Variants in MYT1L observed in about 807,000 individuals in gnomAD.
MYT1L encodes the protein myelin transcription factor 1-like protein.
Under a neutral mutation model 126.7 loss-of-function variants are expected in MYT1L, and 12 were observed. That is an observed-to-expected ratio of 0.09 (90% CI 0.06 to 0.15). MYT1L has a LOEUF of 0.15. Ranked by LOEUF, MYT1L falls within the 10% of genes least tolerant of loss-of-function variation. The pLI is 1.00. For synonymous variants in MYT1L, 541 were observed against 604.2 expected (o/e 0.90, Z 1.53); for missense variants, 979 against 1,585.2 (o/e 0.62, Z 6.49).
chr2:1,850,849 C>T (rs1028269072), intron 19 of MYT1L, among the ~76,000 whole-genome samples: 30 of 152,094 alleles, frequency 2.0e-4, no homozygotes, highest in African/African-American at 7.0e-4. Context: ...CAATCTGCTC[C>T]TTGGTTGTAA....
chr2:2,033,677 A>G (rs978664866), intron 4 of MYT1L, among the ~76,000 whole-genome samples: 2 of 152,192 alleles, frequency 1.3e-5, no homozygotes, highest in African/African-American at 4.8e-5. Flanking sequence ...ACATTCTAAT[A>G]GAGGTGGGTG....
At chr2:2,005,718 G>T (rs1398910958) in intron 4 of MYT1L, among the ~76,000 whole-genome samples, 6 of 147,528 alleles carry the variant, frequency 4.1e-5, no homozygotes, top group African/African-American at 1.5e-4. Flanking sequence ...GTTCTTTCCT[G>T]CATGCGTTCT....
At chr2:2,119,702 G>C (rs763367980) in intron 3 of MYT1L, among the ~76,000 whole-genome samples, 6 of 151,982 alleles carry the variant, frequency 3.9e-5, no homozygotes, top group Non-Finnish European at 8.8e-5. Flanking sequence ...ATCATGATTC[G>C]CATTAATACA....
intron 3 of MYT1L, among the ~76,000 whole-genome samples, chr2:2,160,493 TC>T (rs1186634464): frequency 1.3e-5 from 2 of 152,296 alleles, no homozygotes; most frequent in East Asian, 3.9e-4. Context: ...GCCATGGGCA[TC>T]ACTGGCTGCT....
At chr2:2,298,926 C>A (rs1225063943) in intron 1 of MYT1L, among the ~76,000 whole-genome samples, 1 of 152,196 alleles carries the variant, frequency 6.6e-6, no homozygotes, top group East Asian at 1.9e-4. Context: ...GATCTCGGCT[C>A]ACTGCAACCT....
chr2:2,307,543 T>C (rs2095874838), intron 1 of MYT1L, among the ~76,000 whole-genome samples: 4 of 152,050 alleles, frequency 2.6e-5, no homozygotes, highest in African/African-American at 7.2e-5. Context: ...CATTCAACTA[T>C]ACAAAAACCT....
intron 2 of MYT1L, among the ~76,000 whole-genome samples, chr2:2,263,246 A>G (rs1373793827): frequency 6.6e-6 from 1 of 151,860 alleles, no homozygotes; most frequent in African/African-American, 2.4e-5. Context: ...TGCATTTATA[A>G]TCACTTTGAA....
intron 3 of MYT1L, among the ~76,000 whole-genome samples, chr2:2,128,600 C>T (rs2081998785): frequency 6.6e-6 from 1 of 152,014 alleles, no homozygotes; most frequent in African/African-American, 2.4e-5. Context: ...AAAACATAGT[C>T]TAATATATGT....
chr2:2,290,229 ACC>A (rs2095579818), intron 1 of MYT1L, among the ~76,000 whole-genome samples: 1 of 152,128 alleles, frequency 6.6e-6, no homozygotes, highest in East Asian at 1.9e-4. Context: ...GTCACCCCCA[ACC>A]TCTGATGGAG....
chr2:1,897,855 A>C (rs182366262), intron 14 of MYT1L, among the ~76,000 whole-genome samples: 138 of 152,318 alleles, frequency 9.1e-4, no homozygotes, highest in Middle Eastern at 3.4e-3. Context: ...ACTGTATGTT[A>C]CGAGCAATGC....
intron 8 of MYT1L, among the ~76,000 whole-genome samples, chr2:1,973,212 A>C (rs902843463): frequency 2.0e-5 from 3 of 152,224 alleles, no homozygotes; most frequent in Non-Finnish European, 2.9e-5. Context: ...ATTCATTCCA[A>C]ATGTCTTAGC....
chr2:2,198,102 G>A (rs766285261), intron 2 of MYT1L, among the ~76,000 whole-genome samples: 3 of 152,158 alleles, frequency 2.0e-5, no homozygotes, highest in Non-Finnish European at 4.4e-5. Flanking sequence ...AGGAAATTCT[G>A]TTATTTGTGG....
chr2:2,082,274 T>C (rs533577258), intron 3 of MYT1L, among the ~76,000 whole-genome samples: 2 of 152,358 alleles, frequency 1.3e-5, no homozygotes, highest in South Asian at 2.1e-4. Context: ...GTTCAGTTGC[T>C]CAAGCTTTCA....
At chr2:2,304,154 C>G (rs754928658) in intron 1 of MYT1L, 1 of 152,190 alleles carries the variant, frequency 6.6e-6, no homozygotes, top group Non-Finnish European at 1.5e-5. Context: ...AATTCCAAAT[C>G]CGTCTAAAAA....
At chr2:2,173,747 C>CT (rs1339551271) in intron 2 of MYT1L, among the ~76,000 whole-genome samples, 1 of 152,154 alleles carries the variant, frequency 6.6e-6, no homozygotes, top group African/African-American at 2.4e-5. Context: ...TTCCAAGAGG[C>CT]TTATTAAAGT....
chr2:2,099,916 G>A (rs2077860641), intron 3 of MYT1L, among the ~76,000 whole-genome samples: 1 of 152,172 alleles, frequency 6.6e-6, no homozygotes, highest in Non-Finnish European at 1.5e-5. Flanking sequence ...TACAGGCTAG[G>A]CTATTCTGAA....
At position 1,943,284 on chromosome 2, in the gene MYT1L, G is replaced by T; in HGVS notation, c.203C>A (p.Pro68His). ...AKKRKTQDKQ[P>H]QEPAPKRKPF... ...CTTTCGTTTAGGAGCAGGTTCCTGG[G>T]GCTGTTTATCTTGTGTTTTTCTTTT... The change falls in exon 9 of 25, where the codon CCC becomes CAC. Residue 68 changes from proline (P) to histidine (H), a missense_variant. By Grantham distance (77) the Pro-to-His change is moderately conservative. Transcript: ENST00000647738. This position sits in a 1 kb window ranked among gnomAD's most constrained non-coding sequence, Gnocchi z 4.4. 1.3e-6 allele frequency: 2 copies of T among 1,567,756 alleles called. No homozygotes were observed. Among genetic ancestry groups the T allele is most frequent in the Non-Finnish European group, 1.7e-6 (2 of 1,155,436 alleles).
At chr2:2,329,274 T>A (rs1024932225) in intron 1 of MYT1L, among the ~76,000 whole-genome samples, 1 of 122,970 alleles carries the variant, frequency 8.1e-6, no homozygotes, top group African/African-American at 3.2e-5. Flanking sequence ...CAAGGAAGAA[T>A]CCAACCAAGA....
chr2:1,845,095 C>G (rs372547252), intron 19 of MYT1L, among the ~76,000 whole-genome samples: 2 of 152,000 alleles, frequency 1.3e-5, no homozygotes, highest in African/African-American at 4.8e-5. Flanking sequence ...TCTCCTGCCT[C>G]GGCCTCCTGA....
Sources: allele counts gnomAD v4.1 joint callset (sites outside exome capture counted in the v4.1 genomes callset), GRCh38; gene constraint gnomAD v4.1.1; non-coding constraint Gnocchi (gnomAD v3.1); transcripts MANE v1.5; gene names NCBI Gene and HGNC (gene_info 2026-07-23, HGNC 2026-07-21).